C14orf132: variants seen among roughly 807,000 people sequenced by gnomAD.
The protein encoded by C14orf132 is chromosome 14 open reading frame 132.
In C14orf132, 6 loss-of-function variants were observed where a neutral mutation model predicts 5.8. The ratio of observed to expected loss-of-function variants is 1.03; its 90% CI spans 0.57 to 2.04. The LOEUF (loss-of-function observed/expected upper bound fraction) is 2.04. Ranked by LOEUF, C14orf132 falls within the 30% of genes most tolerant of loss-of-function variation. The pLI, the probability that C14orf132 is intolerant of heterozygous loss-of-function variation, is 0.00. For synonymous variants in C14orf132, 51 were observed against 49.8 expected, an observed-to-expected ratio of 1.02 and a Z score of -0.10; for missense variants, 125 against 115.8, an observed-to-expected ratio of 1.08 and a Z score of -0.37.
intron 1 of C14orf132, among the ~76,000 whole-genome samples, chr14:96,059,807 C>G (rs1887292928): frequency 6.6e-6 from 1 of 152,222 alleles, no homozygotes; most frequent in Admixed American, 6.5e-5. Flanking sequence ...TTTCTTCACT[C>G]TTGCCAGAGG....
intron 1 of C14orf132, among the ~76,000 whole-genome samples, chr14:96,077,596 A>G (rs563645705): frequency 6.6e-5 from 10 of 152,130 alleles, no homozygotes; most frequent in Non-Finnish European, 1.2e-4. Flanking sequence ...CGACACCTTG[A>G]TCTTGGACGT....
chr14:96,057,358 G>T (rs186029914), intron 1 of C14orf132, among the ~76,000 whole-genome samples: 1 of 152,346 alleles, frequency 6.6e-6, no homozygotes, highest in Admixed American at 6.5e-5. Flanking sequence ...CACCAGAGCT[G>T]CCTGCACCTT....
At position 96,086,564 on chromosome 14, in the gene C14orf132, C is replaced by G; in HGVS notation, c.81C>G (p.Thr27=). 2.6e-6 allele frequency: 4 copies of G among 1,536,116 alleles called. No individual in the cohort carries two copies. The highest frequency in any genetic ancestry group is 3.5e-6 in the Non-Finnish European group (4 of 1,146,904). Residue 27 remains threonine (T), a synonymous_variant, in exon 2 of 2, where the codon ACC becomes ACG. Transcript: ENST00000555004. ...ACTCGCCCAACGAGGACTTCAGCAC[C>G]GAGTACTCCCTGTTTAACTCCTCTG... is the stretch of plus-strand genomic sequence containing the variant. ...FMDSPNEDFS[T]EYSLFNSSAN...
At chr14:96,074,482 C>T (rs527960114) in intron 1 of C14orf132, among the ~76,000 whole-genome samples, 14 of 151,156 alleles carry the variant, frequency 9.3e-5, no homozygotes, top group South Asian at 8.3e-4. Context: ...TTTTTCTAAA[C>T]GTGTTATAGT....
intron 1 of C14orf132, among the ~76,000 whole-genome samples, chr14:96,043,875 A>T (rs1364494992): frequency 6.6e-6 from 1 of 152,218 alleles, no homozygotes; most frequent in Non-Finnish European, 1.5e-5. Context: ...ACTTGCTCCA[A>T]AACTGAGCTT....
chr14:96,088,892 G>A lies in C14orf132; in HGVS notation c.*2157G>A, dbSNP rs1471778071. 1 of 152,316 alleles carries A rather than the reference G, an allele frequency of 6.6e-6. No individual in the cohort carries two copies. Among genetic ancestry groups the A allele is most frequent in the Non-Finnish European group, 1.5e-5 (1 of 68,090 alleles). 9.4% of individuals were successfully genotyped at this position (152,316 alleles called of 1,614,324 possible). A position where few individuals can be genotyped will look rare whatever the true frequency, so the allele number is the denominator to read the frequency against. ...AGCATCCCAGGCACCGGGTGCTTCT[G>A]GCTGCAGTTTTCCCTATGGAGGCCC... On this transcript the variant is annotated 3_prime_UTR_variant, in exon 2 of 2. Coordinates refer to ENST00000555004, the MANE Select transcript of C14orf132 (RefSeq NM_001252507.3).
intron 1 of C14orf132, among the ~76,000 whole-genome samples, chr14:96,070,596 T>TCACACACACACA (rs77447486): frequency 7.0e-6 from 1 of 142,552 alleles, no homozygotes; most frequent in African/African-American, 2.6e-5. Context: ...TCTCTCTCTC[T>TCACACACACACA]CACACACACA....
At position 96,086,799 on chromosome 14, in the gene C14orf132, C is replaced by T; in HGVS notation, c.*64C>T. ...CACGTAGCTCTGACTTGCTGTCGGC[C>T]TTTGGCTTCTCCTGTGTTCTAGAAC... On this transcript the variant is annotated 3_prime_UTR_variant, in exon 2 of 2. Transcript: ENST00000555004. 1 of 1,462,144 alleles carries T rather than the reference C, an allele frequency of 6.8e-7. No homozygotes were observed. The highest frequency in any genetic ancestry group is 1.4e-5 in the African/African-American group (1 of 71,634). The allele number at this position is 1,462,144 out of a possible 1,614,324, so 90.6% of individuals were successfully genotyped here. A position where few individuals can be genotyped will look rare whatever the true frequency, so the allele number is the denominator to read the frequency against.
intron 1 of C14orf132, among the ~76,000 whole-genome samples, chr14:96,049,571 CATAT>C (rs1300080958): frequency 3.6e-5 from 4 of 111,022 alleles, no homozygotes; most frequent in South Asian, 2.6e-4. Context: ...CGTATATATA[CATAT>C]ATACGTATAT....
chr14:96,048,665 A>G (rs951243167), intron 1 of C14orf132, among the ~76,000 whole-genome samples: 2 of 151,850 alleles, frequency 1.3e-5, no homozygotes, highest in African/African-American at 4.8e-5. Flanking sequence ...AGACGGGATT[A>G]CAGGTGCATG....
chr14:96,069,581 G>A (rs1379375323), intron 1 of C14orf132, among the ~76,000 whole-genome samples: 2 of 152,116 alleles, frequency 1.3e-5, no homozygotes, highest in Non-Finnish European at 2.9e-5. Flanking sequence ...AGCCCAGTTT[G>A]GAGCTGGCGC....
chr14:96,069,667 G>A (rs987626545), intron 1 of C14orf132, among the ~76,000 whole-genome samples: 4 of 152,152 alleles, frequency 2.6e-5, no homozygotes, highest in African/African-American at 9.7e-5. Context: ...GGACTCAGAG[G>A]CTGACATCTG....
At chr14:96,050,763 T>C (rs1595170244) in intron 1 of C14orf132, among the ~76,000 whole-genome samples, 2 of 152,252 alleles carry the variant, frequency 1.3e-5, no homozygotes, top group Non-Finnish European at 1.5e-5. Context: ...ATGGCTCATC[T>C]TGCCAATTTC....
At chr14:96,073,281 T>G (rs1047986449) in intron 1 of C14orf132, among the ~76,000 whole-genome samples, 6 of 152,236 alleles carry the variant, frequency 3.9e-5, no homozygotes, top group Non-Finnish European at 7.3e-5. Flanking sequence ...TATATATCTC[T>G]TGTTCAGTGA....
chr14:96,082,000 T>A (rs1460571386), intron 1 of C14orf132, among the ~76,000 whole-genome samples: 1 of 152,198 alleles, frequency 6.6e-6, no homozygotes, highest in Non-Finnish European at 1.5e-5. Context: ...GGTCACCCTG[T>A]GTTGTCCTGG....
At chr14:96,053,009 C>T (rs1302679366) in intron 1 of C14orf132, among the ~76,000 whole-genome samples, 1 of 152,094 alleles carries the variant, frequency 6.6e-6, no homozygotes, top group Non-Finnish European at 1.5e-5. Context: ...CCAACCACCC[C>T]GGTTTCTGCA....
At chr14:96,058,826 T>C (rs1887260720) in intron 1 of C14orf132, among the ~76,000 whole-genome samples, 1 of 152,194 alleles carries the variant, frequency 6.6e-6, no homozygotes. Flanking sequence ...TGGGAACAGC[T>C]CGGGGGCTAT....
At chr14:96,075,493 C>G (rs1332706633) in intron 1 of C14orf132, among the ~76,000 whole-genome samples, 1 of 152,096 alleles carries the variant, frequency 6.6e-6, no homozygotes, top group African/African-American at 2.4e-5. Context: ...TCTCGTATTC[C>G]TAGATCGTAG....
At chr14:96,069,495 C>A (rs1454512365) in intron 1 of C14orf132, among the ~76,000 whole-genome samples, 1 of 151,928 alleles carries the variant, frequency 6.6e-6, no homozygotes, top group Non-Finnish European at 1.5e-5. Flanking sequence ...GGGAAGACAC[C>A]ACCTCCACCT....
Sources: gnomAD v4.1 joint callset for allele counts (sites outside exome capture counted in the v4.1 genomes callset) on GRCh38, gnomAD v4.1.1 for gene constraint, MANE v1.5 for transcripts, NCBI Gene and HGNC (gene_info 2026-07-23, HGNC 2026-07-21) for gene names.